HP1BP3: variants seen among roughly 807,000 people sequenced by gnomAD.
HP1BP3 encodes heterochromatin protein 1-binding protein 3.
Under a neutral mutation model 62.5 loss-of-function variants are expected in HP1BP3, and 12 were observed. That is an observed-to-expected ratio of 0.19 (90% CI 0.12 to 0.31). The LOEUF (loss-of-function observed/expected upper bound fraction) is 0.31, where lower values mean the gene tolerates loss of function less well. HP1BP3 is among the 10% of genes least tolerant of loss of function. The probability of loss-of-function intolerance (pLI) is 1.00; values close to 1 mark genes in which losing one functional copy is unlikely to be tolerated. For synonymous variants in HP1BP3, 260 were observed against 237.8 expected, an observed-to-expected ratio of 1.09 and a Z score of -0.86; for missense variants, 502 against 651.8, an observed-to-expected ratio of 0.77 and a Z score of 2.50.
chr1:20,757,511 A>G (rs1472697131), intron 8 of HP1BP3, among the ~76,000 whole-genome samples: 1 of 151,942 alleles, frequency 6.6e-6, no homozygotes, highest in Non-Finnish European at 1.5e-5. Context: ...AGCTGGGATA[A>G]CAGGCATGCG....
chr1:20,757,674 G>A (rs1221404784), intron 8 of HP1BP3, among the ~76,000 whole-genome samples: 1 of 151,958 alleles, frequency 6.6e-6, no homozygotes, highest in Non-Finnish European at 1.5e-5. Context: ...CCTGGCTGAA[G>A]ATTAGATTTT....
At chr1:20,778,077 T>C (rs1481702550) in intron 3 of HP1BP3, among the ~76,000 whole-genome samples, 1 of 152,252 alleles carries the variant, frequency 6.6e-6, no homozygotes, top group Non-Finnish European at 1.5e-5. Flanking sequence ...TAGTTAGTCA[T>C]GTTTATTTAC....
intron 1 of HP1BP3, among the ~76,000 whole-genome samples, chr1:20,781,131 C>G (rs1405240152): frequency 6.6e-6 from 1 of 151,960 alleles, no homozygotes; most frequent in African/African-American, 2.4e-5. Flanking sequence ...GTAAGGAAAA[C>G]TAGTACAGAA....
At chr1:20,787,132 C>T (rs1311499616) in intron 1 of HP1BP3, 63 bp downstream of exon 1, 1 of 151,740 alleles carries the variant, frequency 6.6e-6, no homozygotes, top group Non-Finnish European at 1.5e-5. Flanking sequence ...GCCTCCGCCA[C>T]TCGCCTTCGG....
intron 1 of HP1BP3, among the ~76,000 whole-genome samples, chr1:20,781,687 C>A (rs555867453): frequency 6.6e-6 from 1 of 152,128 alleles, no homozygotes; most frequent in Non-Finnish European, 1.5e-5. Context: ...AGTGCGGTGG[C>A]ACGATCTCAG....
At chr1:20,767,768 C>A in intron 6 of HP1BP3, 104 bp from the exon 7 acceptor site, 1 of 653,890 alleles carries the variant, frequency 1.5e-6, no homozygotes, top group Non-Finnish European at 2.6e-6. Flanking sequence ...GTGGTGTTTA[C>A]TTCTTCAGAG....
intron 1 of HP1BP3, among the ~76,000 whole-genome samples, chr1:20,783,612 G>A (rs1262550424): frequency 6.6e-6 from 1 of 151,244 alleles, no homozygotes; most frequent in African/African-American, 2.4e-5. Flanking sequence ...AACTTCAAAG[G>A]TTCAATCTGT....
intron 6 of HP1BP3, among the ~76,000 whole-genome samples, chr1:20,769,918 A>G (rs2056975814): frequency 6.6e-6 from 1 of 152,184 alleles, no homozygotes; most frequent in Admixed American, 6.5e-5. Context: ...TTCTGATCAA[A>G]CAGGCAGGGG....
intron 9 of HP1BP3, among the ~76,000 whole-genome samples, chr1:20,753,371 T>C (rs2055901651): frequency 6.6e-6 from 1 of 152,196 alleles, no homozygotes; most frequent in Admixed American, 6.5e-5. Context: ...TAGTATTTGT[T>C]GCCAATGATA....
chr1:20,783,769 CAAAAAAAAA>C (rs1164930528), intron 1 of HP1BP3, among the ~76,000 whole-genome samples: 37 of 53,142 alleles, frequency 7.0e-4, no homozygotes, highest in Middle Eastern at 0.012. Context: ...GACTCTGTCT[CAAAAAAAAA>C]AAAAAAAAAA....
intron 4 of HP1BP3, 73 bp downstream of exon 4, chr1:20,776,524 T>A: frequency 7.4e-7 from 1 of 1,357,978 alleles, no homozygotes; most frequent in Non-Finnish European, 1.0e-6. Context: ...GTTATAACAC[T>A]TTAAAACAAT....
At position 20,773,541 on chromosome 1, in the gene HP1BP3, A is replaced by T. The variant is rs1212299051; in HGVS notation, c.420T>A (p.Ser140=). ...KKTIPSWATL[S]ASQLARAQKQ... ...TCTGGGCCCTGGCTAGCTGGCTGGC[A>T]GAAAGGGTAGCCCAGGAAGGAATTG... The change falls in exon 5 of 13, where the codon TCT becomes TCA. Residue 140 remains serine (S), a synonymous_variant. Coordinates refer to ENST00000438032, the MANE Select transcript of HP1BP3 (RefSeq NM_001372052.1). 1 of 1,612,072 alleles carries T rather than the reference A, an allele frequency of 6.2e-7. No homozygotes were observed. Among genetic ancestry groups the T allele is most frequent in the South Asian group, 1.1e-5 (1 of 90,792 alleles).
In HP1BP3 at chr1:20,780,376, G is replaced by C. The variant is rs776552279; in HGVS notation, c.65C>G (p.Ala22Gly). 1 of 1,613,292 alleles carries C rather than the reference G, an allele frequency of 6.2e-7. No homozygotes were observed. The highest frequency in any genetic ancestry group is 8.5e-7 in the Non-Finnish European group (1 of 1,179,356). The change falls in exon 2 of 13, where the codon GCT becomes GGT. Residue 22 changes from alanine to glycine, a missense_variant. Transcript: ENST00000438032. ...HPKALPLIVG[A>G]QLIHADKLGE... ...TAACTTGTCCGCGTGGATCAGCTGAGCTCCTACTATAAGTGGGAGTGCCTT... is the reference window on the plus strand; with the variant it reads ...TAACTTGTCCGCGTGGATCAGCTGACCTCCTACTATAAGTGGGAGTGCCTT...
chr1:20,786,866 C>A lies in HP1BP3; in HGVS notation c.-101+329G>T, dbSNP rs1280518937. ...CGGGCAGAGGACGCCGACGCAGGCG[C>A]GCTGGGACGCAGGGTCGCACGGCCA... On this transcript the variant is annotated intron_variant, in intron 1 of 12. Transcript: ENST00000438032. 5.3e-5 allele frequency among the ~76,000 whole-genome samples: 8 copies of A among 152,232 alleles called. No individual in the cohort carries two copies. In the East Asian group the frequency reaches 1.6e-3, roughly 30 times the overall value.
chr1:20,785,263 C>A (rs1332247333), intron 1 of HP1BP3, among the ~76,000 whole-genome samples: 1 of 152,102 alleles, frequency 6.6e-6, no homozygotes, highest in East Asian at 1.9e-4. Context: ...AAATAAAAAG[C>A]CCCAAATTTC....
intron 4 of HP1BP3, chr1:20,774,451 A>T (rs1441585896): frequency 6.6e-6 from 1 of 152,226 alleles, no homozygotes; most frequent in Non-Finnish European, 1.5e-5. Flanking sequence ...TACCCTGAAG[A>T]TTATAGCTAG....
intron 3 of HP1BP3, among the ~76,000 whole-genome samples, chr1:20,779,162 T>C (rs2057432408): frequency 2.6e-5 from 4 of 151,740 alleles, no homozygotes; most frequent in Admixed American, 2.0e-4. Context: ...ACAGTGTGCT[T>C]ATCCCTGAAA....
At chr1:20,781,619 A>G (rs1292180192) in intron 1 of HP1BP3, among the ~76,000 whole-genome samples, 1 of 152,136 alleles carries the variant, frequency 6.6e-6, no homozygotes, top group Non-Finnish European at 1.5e-5. Context: ...ATATCCATTA[A>G]TATTAAATTT....
intron 9 of HP1BP3, among the ~76,000 whole-genome samples, chr1:20,751,042 C>G (rs554706152): frequency 4.6e-5 from 7 of 151,958 alleles, no homozygotes; most frequent in Non-Finnish European, 1.0e-4. Context: ...GTCTCGAACT[C>G]CAGACCTCAG....
Sources: gnomAD v4.1 joint callset for allele counts (sites outside exome capture counted in the v4.1 genomes callset) on GRCh38, gnomAD v4.1.1 for gene constraint, MANE v1.5 for transcripts, NCBI Gene and HGNC (gene_info 2026-07-23, HGNC 2026-07-21) for gene names.